Variants in DNER observed in about 807,000 individuals in gnomAD.
DNER encodes the protein delta/notch like EGF repeat containing.
A neutral mutation model predicts 78.2 loss-of-function variants in DNER; 33 were observed. The observed-to-expected ratio is 0.42, with a 90% CI of 0.32 to 0.56. DNER has a LOEUF of 0.56. Ranked by LOEUF, DNER falls within the 20% of genes least tolerant of loss-of-function variation. DNER has a pLI of 0.11. For missense variants in DNER, 918 were observed against 975.3 expected, an observed-to-expected ratio of 0.94 and a Z score of 0.78; for synonymous variants, 417 against 384.8, an observed-to-expected ratio of 1.08 and a Z score of -0.98.
intron 7 of DNER, 128 bp downstream of exon 7, chr2:229,477,012 T>C (rs1229539773): frequency 1.4e-6 from 1 of 711,360 alleles, no homozygotes; most frequent in Non-Finnish European, 2.2e-6. Context: ...CTATTTTTGT[T>C]TTATAAATCA....
chr2:229,607,324 G>A (rs765594741), intron 1 of DNER, among the ~76,000 whole-genome samples: 12 of 152,058 alleles, frequency 7.9e-5, no homozygotes, highest in Non-Finnish European at 1.8e-4. Context: ...CATGGTTCTC[G>A]TCGTGCTCCC....
intron 4 of DNER, among the ~76,000 whole-genome samples, chr2:229,562,081 G>A (rs2154213629): frequency 6.6e-6 from 1 of 152,254 alleles, no homozygotes; most frequent in Admixed American, 6.5e-5. Flanking sequence ...GATGGTAACA[G>A]TGGGGAGAAA....
At chr2:229,431,082 T>G (rs753415919) in intron 8 of DNER, among the ~76,000 whole-genome samples, 82 of 152,184 alleles carry the variant, frequency 5.4e-4, no homozygotes, top group Non-Finnish European at 1.2e-3. Flanking sequence ...TTGAAGATGT[T>G]AAAAATTCTG....
chr2:229,604,558 C>T (rs910885515), intron 1 of DNER, among the ~76,000 whole-genome samples: 22 of 152,194 alleles, frequency 1.4e-4, no homozygotes, highest in African/African-American at 5.1e-4. Context: ...TAGTAAAAGT[C>T]GGGGGAGGCT....
intron 10 of DNER, among the ~76,000 whole-genome samples, chr2:229,401,480 A>G (rs1260452550): frequency 1.3e-5 from 2 of 152,148 alleles, no homozygotes; most frequent in Admixed American, 1.3e-4. Flanking sequence ...ATACTTTGGA[A>G]TACTGCTCAG....
chr2:229,581,066 T>C (rs10211320), intron 4 of DNER, among the ~76,000 whole-genome samples: 15,955 of 152,080 alleles, frequency 0.1, 1,776 homozygotes, highest in African/African-American at 0.28. Flanking sequence ...AGAGGAGAAC[T>C]ATGCCTGAGG....
intron 1 of DNER, among the ~76,000 whole-genome samples, chr2:229,596,570 G>C (rs1411664707): frequency 1.3e-5 from 2 of 152,234 alleles, no homozygotes; most frequent in African/African-American, 4.8e-5. Flanking sequence ...TCACCCCAGT[G>C]GGAAGTGTCA....
Position 229,578,665 on chromosome 2 carries a change from C to G in DNER, c.847+7193G>C, listed in dbSNP as rs540727057. Among the ~76,000 whole-genome samples the G allele has an allele frequency of 5.9e-5, 9 of 152,268 alleles. No homozygotes were observed. In the East Asian group the frequency reaches 1.7e-3, roughly 29 times the overall value. ...AGCTAATACAGCCCCAGTGGTGCCC[C>G]CTGCCTTCAGGAAGACTTTCTCCAA... On this transcript the variant is annotated intron_variant, in intron 4 of 12. Transcript: ENST00000341772.
chr2:229,649,980 C>T (rs1265702739), intron 1 of DNER, among the ~76,000 whole-genome samples: 7 of 148,398 alleles, frequency 4.7e-5, no homozygotes, highest in Non-Finnish European at 1.5e-5. Context: ...GAGGCTGAGG[C>T]AGGAGAATGG....
intron 1 of DNER, among the ~76,000 whole-genome samples, chr2:229,705,330 T>A (rs1699809606): frequency 6.6e-6 from 1 of 152,224 alleles, no homozygotes; most frequent in Admixed American, 6.5e-5. Flanking sequence ...TCAGGAACTG[T>A]GAGCAAAAGA....
chr2:229,364,403 C>A lies in DNER; in HGVS notation c.2102+2470G>T, dbSNP rs527931193. Among the ~76,000 whole-genome samples the A allele has an allele frequency of 2.0e-4, 31 of 152,212 alleles. No individual in the cohort carries two copies. The East Asian group carries it at 5.6e-3, about 28-fold the overall frequency. ...AGACATAGAAATAAAAGCTACTACC[C>A]TTTATTTACAGGGTAGTGGCATAAA... On this transcript the variant is annotated intron_variant, in intron 12 of 12. Coordinates refer to ENST00000341772, the MANE Select transcript of DNER (RefSeq NM_139072.4).
intron 10 of DNER, among the ~76,000 whole-genome samples, chr2:229,405,971 C>G (rs1204028207): frequency 1.3e-5 from 2 of 152,180 alleles, no homozygotes; most frequent in Admixed American, 1.3e-4. Flanking sequence ...ATAAGCAAAA[C>G]AAAGCCATCT....
chr2:229,607,643 A>C (rs915588036), intron 1 of DNER, among the ~76,000 whole-genome samples: 1 of 152,202 alleles, frequency 6.6e-6, no homozygotes, highest in African/African-American at 2.4e-5. Context: ...TAAATCTATA[A>C]CTACATTGAA....
At chr2:229,498,926 G>A (rs1205064934) in intron 6 of DNER, among the ~76,000 whole-genome samples, 1 of 152,062 alleles carries the variant, frequency 6.6e-6, no homozygotes, top group Admixed American at 6.6e-5. Context: ...AATTTGTATG[G>A]AACCACAAAA....
intron 9 of DNER, among the ~76,000 whole-genome samples, chr2:229,412,795 A>G (rs1159407046): frequency 6.6e-6 from 1 of 152,184 alleles, no homozygotes; most frequent in Non-Finnish European, 1.5e-5. Context: ...GAGGGACCCC[A>G]GGGCTCAGTG....
At chr2:229,631,205 T>C (rs544228176) in intron 1 of DNER, among the ~76,000 whole-genome samples, 1 of 152,324 alleles carries the variant, frequency 6.6e-6, no homozygotes, top group South Asian at 2.1e-4. Context: ...GAAAGCACCT[T>C]ATTTTATTTT....
At chr2:229,450,288 G>A (rs1052942685) in intron 7 of DNER, among the ~76,000 whole-genome samples, 1 of 152,072 alleles carries the variant, frequency 6.6e-6, no homozygotes, top group African/African-American at 2.4e-5. Context: ...GAATATCTAG[G>A]GAGGGTCAAA....
At chr2:229,402,947 T>G (rs187506324) in intron 10 of DNER, among the ~76,000 whole-genome samples, 1 of 152,194 alleles carries the variant, frequency 6.6e-6, no homozygotes, top group African/African-American at 2.4e-5. Context: ...GGAGGCTCTC[T>G]GTTCAGATGA....
At chr2:229,513,641 A>G (rs902477433) in intron 5 of DNER, among the ~76,000 whole-genome samples, 7 of 152,214 alleles carry the variant, frequency 4.6e-5, no homozygotes, top group African/African-American at 1.7e-4. Context: ...GCCTAGGGGT[A>G]CGGGCATGTC....
Sources: gnomAD v4.1 joint callset for allele counts (sites outside exome capture counted in the v4.1 genomes callset) on GRCh38, gnomAD v4.1.1 for gene constraint, MANE v1.5 for transcripts, NCBI Gene and HGNC (gene_info 2026-07-23, HGNC 2026-07-21) for gene names.